SLC16A3: variants seen among roughly 807,000 people sequenced by gnomAD.
SLC16A3 encodes the protein monocarboxylate transporter 4.
In SLC16A3, 22 loss-of-function variants were observed where a neutral mutation model predicts 25.0. The observed-to-expected ratio is 0.88, with a 90% CI of 0.63 to 1.26. SLC16A3 has a LOEUF of 1.26. Ranked by LOEUF, SLC16A3 falls within the 50% of genes most tolerant of loss-of-function variation. The pLI is 0.00. For synonymous variants in SLC16A3, 390 were observed against 309.2 expected, an observed-to-expected ratio of 1.26 and a Z score of -2.74; for missense variants, 731 against 666.6, an observed-to-expected ratio of 1.10 and a Z score of -1.06.
upstream of SLC16A3, among the ~76,000 whole-genome samples, chr17:82,225,851 G>A (rs1343162208): frequency 6.6e-6 from 1 of 152,098 alleles, no homozygotes; most frequent in African/African-American, 2.4e-5. Context: ...TGATAGGTCC[G>A]GGGGCCTGTT....
chr17:82,236,987 G>A (rs2050619096), intron 3 of SLC16A3, 115 bp downstream of exon 3: 8 of 1,485,894 alleles, frequency 5.4e-6, no homozygotes, highest in South Asian at 2.5e-5. Flanking sequence ...GGGGTGTCCC[G>A]GCCCCACCTC....
chr17:82,232,794 C>A (rs1236544830), intron 1 of SLC16A3, among the ~76,000 whole-genome samples: 1 of 152,058 alleles, frequency 6.6e-6, no homozygotes, highest in Non-Finnish European at 1.5e-5. Flanking sequence ...CAGCTTCCAG[C>A]AGCCTGGGGT....
In SLC16A3 at chr17:82,238,890, G is replaced by C; in HGVS notation, c.1312G>C (p.Val438Leu). Residue 438 changes from valine (V) to leucine (L), a missense_variant, in exon 5 of 5, where the codon GTG becomes CTG. Val to Leu is a conservative substitution (Grantham distance 32). Transcript: ENST00000582743. ...CCACAAGCCTCCTGCAGACTCGGGG[G>C]TGGACTTGCGGGAGGTGGAGCATTT... The part of the protein sequence containing the change: ...KLHKPPADSG[V>L]DLREVEHFLK... 2.5e-6 allele frequency: 4 copies of C among 1,606,220 alleles called. No individual in the cohort carries two copies. Among genetic ancestry groups the C allele is most frequent in the Non-Finnish European group, 3.4e-6 (4 of 1,175,092 alleles).
At chr17:82,226,796 C>A (rs755538035), upstream of SLC16A3, among the ~76,000 whole-genome samples, 2 of 152,136 alleles carry the variant, frequency 1.3e-5, no homozygotes, top group Non-Finnish European at 2.9e-5. Flanking sequence ...GTCTCGGAGG[C>A]TCTGGCCCCA....
rs531538061 is a variant in SLC16A3, at chr17:82,237,407, C to G, written c.637C>G (p.Pro213Ala). Residue 213 changes from proline to alanine, a missense_variant, in exon 4 of 5, where the codon CCC (proline) becomes GCC (alanine). Coordinates refer to ENST00000582743, the MANE Select transcript of SLC16A3 (RefSeq NM_004207.4). ...CCAGCCGGGCTCGGGGCCGCCGCGACCCTCCCGGCGCCTGCTAGACCTGAG... is the reference window on the plus strand; with the variant it reads ...CCAGCCGGGCTCGGGGCCGCCGCGAGCCTCCCGGCGCCTGCTAGACCTGAG... ...TAQPGSGPPRPSRRLLDLSVF... is the reference protein window; with the variant it reads ...TAQPGSGPPRASRRLLDLSVF... 3 of 1,563,478 alleles carry G rather than the reference C, an allele frequency of 1.9e-6. No homozygotes were observed. The highest frequency in any genetic ancestry group is 2.6e-6 in the Non-Finnish European group (3 of 1,154,316).
chr17:82,227,097 C>T (rs950719151), upstream of SLC16A3, among the ~76,000 whole-genome samples: 1 of 152,112 alleles, frequency 6.6e-6, no homozygotes, highest in African/African-American at 2.4e-5. Flanking sequence ...GGGGCCCACA[C>T]CCAGGGGAAG....
intron 2 of SLC16A3, 22 bp downstream of exon 2, chr17:82,236,253 GC>G: frequency 1.2e-6 from 2 of 1,602,788 alleles, no homozygotes; most frequent in South Asian, 1.1e-5. Context: ...CTCACACCGG[GC>G]CCCCTGTCCG....
chr17:82,220,618 T>A (rs574544458), intron 1 of SLC16A3, among the ~76,000 whole-genome samples: 63 of 151,482 alleles, frequency 4.2e-4, no homozygotes, highest in South Asian at 2.7e-3. Context: ...CTAAAAAAAA[T>A]TTTTTTTAAG....
At chr17:82,233,780 C>T (rs1019759269) in intron 1 of SLC16A3, 6 of 152,298 alleles carry the variant, frequency 3.9e-5, no homozygotes, top group African/African-American at 9.6e-5. Context: ...CTCCAGTCTC[C>T]CCTGTGACCC....
rs150716459 is a variant in SLC16A3 at position 82,221,424 on chromosome 17, T to G, written c.-27+3240T>G. On this transcript the variant is annotated intron_variant, in intron 1 of 4. Coordinates refer to the SLC16A3 transcript ENST00000580098. ...AAAACATACAAAAACATTAGCTGGG[T>G]GTGGTGGTGGTGCTTGCCTATCGTC... 5.7e-3 allele frequency among the ~76,000 whole-genome samples: 858 copies of G among 151,292 alleles called. 5 individuals carry two copies. The highest frequency in any genetic ancestry group is 0.02 in the African/African-American group (810 of 41,176).
chr17:82,222,664 C>T (rs1357949107), intron 1 of SLC16A3, among the ~76,000 whole-genome samples: 2 of 151,964 alleles, frequency 1.3e-5, no homozygotes, highest in Non-Finnish European at 2.9e-5. Flanking sequence ...ATTAGCTGGG[C>T]GTGATGGTGC....
chr17:82,236,080 GC>G lies in SLC16A3; in HGVS notation c.73del (p.Leu25SerfsTer58). 6.2e-7 allele frequency: 1 copy of G among 1,612,900 alleles called. No homozygotes were observed. Among genetic ancestry groups the G allele is most frequent in the East Asian group, 2.2e-5 (1 of 44,878 alleles). On this transcript the variant is annotated frameshift_variant, in exon 2 of 5. Coordinates refer to ENST00000582743, the MANE Select transcript of SLC16A3 (RefSeq NM_004207.4). LOFTEE classifies it high-confidence loss of function. The stretch of plus-strand genomic sequence containing the variant: ...CTGACGGCGGCTGGGGCTGGGCCGT[GC>G]TCTTCGGCTGTTTCGTCATCACTGG... ...APDGGWGWAV[L>X]FGCFVITGFS...
upstream of SLC16A3, among the ~76,000 whole-genome samples, chr17:82,225,206 G>A (rs1311504612): frequency 6.6e-6 from 1 of 152,136 alleles, no homozygotes; most frequent in Non-Finnish European, 1.5e-5. Context: ...AGGTTGTGGT[G>A]ACCCAAGAAT....
chr17:82,228,388 C>G (rs1037504421), upstream of SLC16A3: 3 of 152,200 alleles, frequency 2.0e-5, no homozygotes, highest in Admixed American at 6.6e-5. Context: ...TTTGTAGGGC[C>G]CCGCAGGGCG....
intron 1 of SLC16A3, chr17:82,232,007 C>CA (rs1370992181): frequency 6.6e-6 from 1 of 152,260 alleles, no homozygotes; most frequent in Admixed American, 6.5e-5. Flanking sequence ...CTTGTTTGCA[C>CA]AACAGGGGCT....
At chr17:82,236,606 G>T in intron 2 of SLC16A3, 123 bp from the exon 3 acceptor site, 1 of 1,413,774 alleles carries the variant, frequency 7.1e-7, no homozygotes. Flanking sequence ...GGGTGCCCCT[G>T]GTGCCCCGCG....
chr17:82,226,045 C>G (rs2050419661), upstream of SLC16A3, among the ~76,000 whole-genome samples: 1 of 151,848 alleles, frequency 6.6e-6, no homozygotes, highest in African/African-American at 2.4e-5. Context: ...AAAGGTGGGA[C>G]TGCGCACCCC....
At chr17:82,220,694 A>C (rs1222867684) in intron 1 of SLC16A3, among the ~76,000 whole-genome samples, 7 of 152,210 alleles carry the variant, frequency 4.6e-5, no homozygotes, top group Non-Finnish European at 8.8e-5. Flanking sequence ...ATCCACATGC[A>C]AAGAATAATG....
At chr17:82,226,170 T>TGGGGCAGCCA (rs1175654779), upstream of SLC16A3, among the ~76,000 whole-genome samples, 14 of 150,436 alleles carry the variant, frequency 9.3e-5, no homozygotes, top group Admixed American at 5.9e-4. Context: ...AAAAGGAAGT[T>TGGGGCAGCCA]GGGGCAGCCA....
Sources: gnomAD v4.1 joint callset for allele counts (sites outside exome capture counted in the v4.1 genomes callset) on GRCh38, gnomAD v4.1.1 for gene constraint, MANE v1.5 for transcripts, NCBI Gene and HGNC (gene_info 2026-07-23, HGNC 2026-07-21) for gene names.